Variants in TUBGCP5 observed in about 807,000 individuals in gnomAD.
TUBGCP5 encodes gamma-tubulin complex component 5.
TUBGCP5 carries 98 observed loss-of-function variants against 134.7 expected under a neutral mutation model. The observed-to-expected ratio is 0.73, with a 90% confidence interval of 0.62 to 0.86. The LOEUF (loss-of-function observed/expected upper bound fraction) is 0.86, where lower values mean the gene tolerates loss of function less well. TUBGCP5 is among the 40% of genes least tolerant of loss of function. TUBGCP5 has a pLI of 0.00. For missense variants in TUBGCP5, 1,150 were observed against 1,244.8 expected, an observed-to-expected ratio of 0.92 and a Z score of 1.15; for synonymous variants, 456 against 431.4, an observed-to-expected ratio of 1.06 and a Z score of -0.71.
intron 15 of TUBGCP5, 135 bp from the exon 16 acceptor site, chr15:23,009,016 A>G: frequency 1.6e-6 from 1 of 630,274 alleles, no homozygotes; most frequent in Non-Finnish European, 2.6e-6. Context: ...TAGAAATATT[A>G]ACACCTCTTA....
chr15:23,025,683 T>C (rs2065941800), intron 8 of TUBGCP5, among the ~76,000 whole-genome samples: 1 of 151,892 alleles, frequency 6.6e-6, no homozygotes, highest in Non-Finnish European at 1.5e-5. Flanking sequence ...AAGTAAAAAT[T>C]AGCCGGGCTT....
At chr15:23,029,559 G>A (rs140581497) in intron 6 of TUBGCP5, among the ~76,000 whole-genome samples, 43 of 152,178 alleles carry the variant, frequency 2.8e-4, no homozygotes, top group African/African-American at 9.6e-4. Context: ...CTTCCAAAAT[G>A]TCTATAGAAG....
At position 23,022,050 on chromosome 15, in the gene TUBGCP5, G is replaced by GT; in HGVS notation, c.1279dup (p.Thr427AsnfsTer12). On this transcript the variant is annotated frameshift_variant, in exon 11 of 23. Transcript: ENST00000615383. LOFTEE classifies it high-confidence loss of function. ...GTGAGAGGCCCGGACGACATTTCGA[G>GT]TATCAGGTGGAACTTCTGCTACTCC... 6.2e-7 allele frequency: 1 copy of GT among 1,614,162 alleles called. No individual in the cohort carries two copies. Among genetic ancestry groups the GT allele is most frequent in the African/African-American group, 1.3e-5 (1 of 75,038 alleles).
At chr15:23,000,310 C>A (rs557406590) in intron 22 of TUBGCP5, 5 of 1,273,930 alleles carry the variant, frequency 3.9e-6, no homozygotes, top group Non-Finnish European at 4.9e-6. Context: ...TCTATTCTGC[C>A]ATCAACTTTA....
intron 6 of TUBGCP5, 46 bp from the exon 7 acceptor site, chr15:23,027,352 A>C: frequency 6.6e-7 from 1 of 1,504,334 alleles, no homozygotes; most frequent in Non-Finnish European, 9.2e-7. Flanking sequence ...ACAACAAAAT[A>C]CTGGGTCACA....
downstream of TUBGCP5, chr15:22,996,966 C>T (rs1377352698): frequency 6.8e-6 from 1 of 146,970 alleles, no homozygotes; most frequent in Non-Finnish European, 1.5e-5. Flanking sequence ...GACCTTGCAT[C>T]AATGAAAAAA....
At chr15:23,025,187 C>G (rs1382982214) in intron 8 of TUBGCP5, among the ~76,000 whole-genome samples, 1 of 152,108 alleles carries the variant, frequency 6.6e-6, no homozygotes, top group African/African-American at 2.4e-5. Flanking sequence ...CAGGTGTGAA[C>G]CACCATGCCC....
At chr15:23,021,860 G>T in intron 11 of TUBGCP5, 99 bp downstream of exon 11, 2 of 1,273,096 alleles carry the variant, frequency 1.6e-6, no homozygotes, top group Non-Finnish European at 2.3e-6. Flanking sequence ...TGTCTGACGA[G>T]TCATCATTCA....
intron 6 of TUBGCP5, among the ~76,000 whole-genome samples, chr15:23,029,584 A>G (rs540891725): frequency 6.6e-6 from 1 of 152,116 alleles, no homozygotes; most frequent in Non-Finnish European, 1.5e-5. Context: ...AAAGTTCACA[A>G]ATAGCTAAGC....
Position 22,986,133 on chromosome 15 carries a change from CA to C in TUBGCP5, c.*62-2523del, listed in dbSNP as rs35699215. Among the ~76,000 whole-genome samples, 92 of 114,096 alleles carry C rather than the reference CA, an allele frequency of 8.1e-4. 1 individual carries two copies. The Middle Eastern group carries it at 0.033, about 41-fold the overall frequency. The allele number at this position is 114,096 out of a possible 152,430, so 74.9% of individuals were successfully genotyped here. A position where few individuals can be genotyped will look rare whatever the true frequency, so the allele number is the denominator to read the frequency against. Reference sequence around the variant, plus strand: ...TGGGCGACAGAGCAAGACTCTGTCTCAAAAAAAAAAAAAAAATAATAATAAT... The same window carrying C: ...TGGGCGACAGAGCAAGACTCTGTCTCAAAAAAAAAAAAAAATAATAATAAT... On this transcript the variant is annotated intron_variant and NMD_transcript_variant, in intron 23 of 23. Coordinates refer to the TUBGCP5 transcript ENST00000614508.
At position 23,033,134 on chromosome 15, in the gene TUBGCP5, T is replaced by C. The variant is rs192201379; in HGVS notation, c.310-310A>G. Among the ~76,000 whole-genome samples the C allele has an allele frequency of 9.2e-5, 14 of 152,300 alleles. No homozygotes were observed. In the East Asian group the frequency reaches 2.5e-3, roughly 27 times the overall value. ...AGAGTATAACATTATGGTTAAAAAT[T>C]ATTCTCCTGTGGCAATATGTATCAT... On this transcript the variant is annotated intron_variant, in intron 3 of 22. Coordinates refer to ENST00000615383, the MANE Select transcript of TUBGCP5 (RefSeq NM_052903.6).
chr15:23,010,989 A>C (rs1226651161), intron 14 of TUBGCP5, 144 bp downstream of exon 14: 1 of 221,526 alleles, frequency 4.5e-6, no homozygotes, highest in South Asian at 1.2e-4. Flanking sequence ...TCAAACAAAC[A>C]AAAAAAAAAA....
intron 12 of TUBGCP5, 120 bp downstream of exon 12, chr15:23,019,099 T>C: frequency 1.6e-6 from 1 of 613,512 alleles, no homozygotes. Flanking sequence ...TGACGACAAG[T>C]TCTGTGATGT....
At chr15:22,995,587 A>AC (rs1371354808), downstream of TUBGCP5, among the ~76,000 whole-genome samples, 3 of 151,458 alleles carry the variant, frequency 2.0e-5, no homozygotes, top group African/African-American at 4.9e-5. Context: ...AAAAAAAAAA[A>AC]AACAAAACAA....
chr15:23,019,449 T>G, intron 11 of TUBGCP5, 115 bp from the exon 12 acceptor site: 1 of 709,982 alleles, frequency 1.4e-6, no homozygotes, highest in South Asian at 1.7e-5. Context: ...CTATGTTTTT[T>G]GGGGCACAAA....
intron 10 of TUBGCP5, among the ~76,000 whole-genome samples, chr15:23,022,909 G>A (rs1447835553): frequency 6.6e-6 from 1 of 152,134 alleles, no homozygotes; most frequent in African/African-American, 2.4e-5. Flanking sequence ...TACTGGTGAA[G>A]ACCAAAACGT....
Position 23,027,306 on chromosome 15 carries a change from T to C in TUBGCP5, c.623A>G (p.Asp208Gly), listed in dbSNP as rs746216761. ...RKLDPCISWK[D>G]EPDDRSWLEH... is the part of the protein sequence containing the mutation. ...CAGCCAGCTTCGGTCATCTGGCTCATCTGCTTGAAAGAAATGTAATCAGTT... is the reference window on the plus strand; with the variant it reads ...CAGCCAGCTTCGGTCATCTGGCTCACCTGCTTGAAAGAAATGTAATCAGTT... The change falls in exon 7 of 23, where the codon GAT (aspartate) becomes GGT (glycine). Residue 208 changes from aspartate (D) to glycine (G), a missense_variant and splice_region_variant. Around this residue, in one of 2 missense-constraint regions of TUBGCP5, gnomAD observed 453 missense variants for 394.7 expected, o/e 1.15. Coordinates refer to ENST00000615383, the MANE Select transcript of TUBGCP5 (RefSeq NM_052903.6). 6.2e-7 allele frequency: 1 copy of C among 1,613,186 alleles called. No homozygotes were observed. Among genetic ancestry groups the C allele is most frequent in the South Asian group, 1.1e-5 (1 of 90,910 alleles).
chr15:23,012,133 AAG>A (rs1491056358), intron 13 of TUBGCP5, among the ~76,000 whole-genome samples: 1 of 151,640 alleles, frequency 6.6e-6, no homozygotes, highest in Non-Finnish European at 1.5e-5. Context: ...AAAAAAAAAA[AAG>A]AGTAAGATCC....
chr15:23,028,082 G>C (rs887247409), intron 6 of TUBGCP5, among the ~76,000 whole-genome samples: 1 of 151,866 alleles, frequency 6.6e-6, no homozygotes, highest in African/African-American at 2.4e-5. Flanking sequence ...GACAAAGACA[G>C]GATACATGTA....
Sources: gnomAD v4.1 joint callset for allele counts (sites outside exome capture counted in the v4.1 genomes callset) on GRCh38, gnomAD v4.1.1 for gene constraint, gnomAD v4.1.1 regional missense constraint, MANE v1.5 for transcripts, NCBI Gene and HGNC (gene_info 2026-07-23, HGNC 2026-07-21) for gene names.